Variants in SIPA1L1 observed in about 807,000 individuals in gnomAD.
SIPA1L1 encodes signal induced proliferation associated 1 like 1, also known as signal-induced proliferation-associated 1-like protein 1.
In SIPA1L1, 26 loss-of-function variants were observed where a neutral mutation model predicts 162.7. That is an observed-to-expected ratio of 0.16 (90% confidence interval 0.12 to 0.22). The LOEUF (loss-of-function observed/expected upper bound fraction) is 0.22. SIPA1L1 is among the 10% of genes least tolerant of loss of function. SIPA1L1 has a pLI of 1.00. For synonymous variants in SIPA1L1, 829 were observed against 837.4 expected (o/e 0.99, Z 0.17); for missense variants, 1,874 against 2,241.0 (o/e 0.84, Z 3.31).
chr14:71,322,073 T>G (rs2033095386), intron 2 of SIPA1L1, among the ~76,000 whole-genome samples: 1 of 152,228 alleles, frequency 6.6e-6, no homozygotes, highest in Admixed American at 6.5e-5. Context: ...ACGATCATGT[T>G]TCTAAACTGG....
At chr14:71,496,898 G>A (rs995787145) in intron 2 of SIPA1L1, among the ~76,000 whole-genome samples, 3 of 152,120 alleles carry the variant, frequency 2.0e-5, no homozygotes, top group South Asian at 2.1e-4. Flanking sequence ...TGGGCTGGGC[G>A]CGGTGGCTCA....
chr14:71,342,959 G>A (rs956584947), intron 2 of SIPA1L1, among the ~76,000 whole-genome samples: 1 of 152,110 alleles, frequency 6.6e-6, no homozygotes, highest in Non-Finnish European at 1.5e-5. Flanking sequence ...GCCAAAGAAG[G>A]CCACGATGTG....
intron 2 of SIPA1L1, among the ~76,000 whole-genome samples, chr14:71,439,056 A>G (rs1043790337): frequency 1.3e-5 from 2 of 152,078 alleles, no homozygotes; most frequent in African/African-American, 4.8e-5. Context: ...CCTTTCCAAG[A>G]GCTCACCTGT....
At chr14:71,701,125 C>T (rs559980442) in intron 14 of SIPA1L1, among the ~76,000 whole-genome samples, 4 of 150,946 alleles carry the variant, frequency 2.6e-5, no homozygotes, top group Non-Finnish European at 5.9e-5. Flanking sequence ...ATGGAATTGC[C>T]GTTTTACACA....
chr14:71,331,366 A>C (rs1361575683), intron 2 of SIPA1L1, among the ~76,000 whole-genome samples: 1 of 152,238 alleles, frequency 6.6e-6, no homozygotes, highest in Non-Finnish European at 1.5e-5. Context: ...TGAATAATAA[A>C]GAAGTGACAT....
intron 19 of SIPA1L1, 85 bp from the exon 20 acceptor site, chr14:71,729,970 T>A: frequency 6.8e-7 from 1 of 1,472,590 alleles, no homozygotes; most frequent in Non-Finnish European, 9.3e-7. Flanking sequence ...GAGCAGTAAC[T>A]TGGTTATCCC....
chr14:71,357,238 G>A (rs1408359614), intron 2 of SIPA1L1, among the ~76,000 whole-genome samples: 1 of 152,028 alleles, frequency 6.6e-6, no homozygotes, highest in Non-Finnish European at 1.5e-5. Context: ...ATTTTTAATA[G>A]ATGGCTATTT....
intron 2 of SIPA1L1, 174 bp downstream of exon 2, chr14:71,321,355 G>T (rs965293805): frequency 2.6e-5 from 4 of 152,454 alleles, no homozygotes; most frequent in East Asian, 3.9e-4. Context: ...CCCGGCGGGG[G>T]CGAGTCCGGC....
chr14:71,424,758 C>T (rs1342789753), intron 2 of SIPA1L1, among the ~76,000 whole-genome samples: 5 of 151,952 alleles, frequency 3.3e-5, no homozygotes, highest in African/African-American at 1.2e-4. Flanking sequence ...TGGTTTTGGT[C>T]TTAGGGTAAT....
At chr14:71,359,831 G>GGAAC (rs1433314959) in intron 2 of SIPA1L1, among the ~76,000 whole-genome samples, 1 of 152,192 alleles carries the variant, frequency 6.6e-6, no homozygotes, top group Non-Finnish European at 1.5e-5. Flanking sequence ...TATTATCAAT[G>GGAAC]GAACTGGTTC....
Position 71,589,223 on chromosome 14 carries a change from C to G in SIPA1L1, c.1351C>G (p.Leu451Val), listed in dbSNP as rs1219573133. The G allele has an allele frequency of 1.9e-6, 3 of 1,614,064 alleles. No homozygotes were observed. The highest frequency in any genetic ancestry group is 2.5e-6 in the Non-Finnish European group (3 of 1,179,956). ...GCESASFEST[L>V]SSHCTNAGVA... ...TGAAAGTGCCTCCTTTGAGTCTACC[C>G]TTAGTTCCCATTGCACAAATGCAGG... The change falls in exon 5 of 24, where the codon CTT becomes GTT. Residue 451 changes from leucine (L) to valine (V), a missense_variant. Leu to Val is a conservative substitution (Grantham distance 32). Around this residue, in one of 5 missense-constraint regions of SIPA1L1, gnomAD observed 685 missense variants for 828.0 expected, o/e 0.83. Transcript: ENST00000381232.
intron 9 of SIPA1L1, among the ~76,000 whole-genome samples, chr14:71,660,247 A>G (rs1404274256): frequency 6.6e-6 from 1 of 152,224 alleles, no homozygotes; most frequent in Non-Finnish European, 1.5e-5. Flanking sequence ...AGCAATCAAT[A>G]CACACCAGCC....
intron 3 of SIPA1L1, among the ~76,000 whole-genome samples, chr14:71,524,956 CT>C (rs945209759): frequency 2.0e-5 from 3 of 152,120 alleles, no homozygotes; most frequent in Middle Eastern, 3.4e-3. Flanking sequence ...ACTTCCTTTC[CT>C]TTTTTTCTTT....
intron 2 of SIPA1L1, among the ~76,000 whole-genome samples, chr14:71,353,571 G>T (rs1249654797): frequency 1.3e-5 from 2 of 152,148 alleles, no homozygotes; most frequent in Admixed American, 1.3e-4. Flanking sequence ...GAGTCGCTAG[G>T]CTGCTGTGTT....
chr14:71,402,726 G>T (rs2041764117), intron 2 of SIPA1L1, among the ~76,000 whole-genome samples: 1 of 152,112 alleles, frequency 6.6e-6, no homozygotes, highest in Admixed American at 6.6e-5. Context: ...TAGGATTGTT[G>T]TATTGGTTAT....
At chr14:71,727,677 T>C (rs1329768970) in intron 19 of SIPA1L1, among the ~76,000 whole-genome samples, 1 of 152,138 alleles carries the variant, frequency 6.6e-6, no homozygotes, top group Admixed American at 6.5e-5. Context: ...GCCATCCCAC[T>C]CCACTGCGAT....
At chr14:71,507,950 G>T (rs780076843) in intron 2 of SIPA1L1, among the ~76,000 whole-genome samples, 1 of 152,176 alleles carries the variant, frequency 6.6e-6, no homozygotes, top group Non-Finnish European at 1.5e-5. Context: ...CAGGCCTTGG[G>T]ATAAGAGGAA....
chr14:71,510,784 A>T (rs1004376283), intron 2 of SIPA1L1, among the ~76,000 whole-genome samples: 21 of 152,196 alleles, frequency 1.4e-4, no homozygotes, highest in African/African-American at 4.6e-4. Context: ...AGACAGTCAA[A>T]GTAAAACATC....
chr14:71,719,717 T>G (rs1484095767), intron 17 of SIPA1L1, among the ~76,000 whole-genome samples: 2 of 152,162 alleles, frequency 1.3e-5, no homozygotes, highest in Non-Finnish European at 2.9e-5. Context: ...GGTCTCAAAT[T>G]CCTGACCTCA....
Sources: allele counts gnomAD v4.1 joint callset (sites outside exome capture counted in the v4.1 genomes callset), GRCh38; gene constraint gnomAD v4.1.1; regional missense constraint gnomAD v4.1.1; transcripts MANE v1.5; gene names NCBI Gene and HGNC (gene_info 2026-07-23, HGNC 2026-07-21).